The following JAK1 variants were observed in gnomAD, a reference collection of about 807,000 sequenced individuals.
JAK1 encodes the protein Janus kinase 1.
A neutral mutation model predicts 136.6 loss-of-function variants in JAK1; 16 were observed. The observed-to-expected ratio is 0.12, with a 90% CI of 0.08 to 0.18. The LOEUF (loss-of-function observed/expected upper bound fraction) is 0.18. Ranked by LOEUF, JAK1 falls within the 10% of genes least tolerant of loss-of-function variation. JAK1 has a pLI of 1.00. For missense variants in JAK1, 859 were observed against 1,450.1 expected (o/e 0.59, Z 6.62); for synonymous variants, 492 against 519.5 (o/e 0.95, Z 0.72).
chr1:65,051,184 GTTT>G (rs34684205), intron 1 of JAK1, among the ~76,000 whole-genome samples: 2 of 147,940 alleles, frequency 1.4e-5, no homozygotes, highest in Non-Finnish European at 3.0e-5. Flanking sequence ...GGTATGTCAG[GTTT>G]TTTTTTTTTT....
intron 1 of JAK1, among the ~76,000 whole-genome samples, chr1:64,940,308 C>A (rs937400981): frequency 4.3e-5 from 6 of 139,712 alleles, no homozygotes; most frequent in African/African-American, 1.5e-4. Flanking sequence ...TAGCTTATAC[C>A]AATTTCAATT....
chr1:64,834,970 C>T (rs985540594), intron 24 of JAK1, among the ~76,000 whole-genome samples: 9 of 152,204 alleles, frequency 5.9e-5, no homozygotes, highest in African/African-American at 2.2e-4. Flanking sequence ...GGCTGCCTCA[C>T]TCTCTGACTC....
chr1:64,902,765 G>C (rs976573118), intron 1 of JAK1, among the ~76,000 whole-genome samples: 1 of 152,020 alleles, frequency 6.6e-6, no homozygotes. Flanking sequence ...ACGCAGTGGT[G>C]GAAGAGACAG....
At chr1:65,055,043 T>C (rs1477711666) in intron 1 of JAK1, among the ~76,000 whole-genome samples, 1 of 152,198 alleles carries the variant, frequency 6.6e-6, no homozygotes, top group East Asian at 1.9e-4. Flanking sequence ...AAATTTTCCA[T>C]TTTTAGGTGT....
At chr1:64,892,866 C>A (rs1487405288) in intron 1 of JAK1, among the ~76,000 whole-genome samples, 1 of 152,152 alleles carries the variant, frequency 6.6e-6, no homozygotes, top group Admixed American at 6.5e-5. Context: ...TGTGGGACTT[C>A]AGGGGAATCC....
intron 2 of JAK1, among the ~76,000 whole-genome samples, chr1:65,022,750 T>A (rs1416192809): frequency 6.6e-6 from 1 of 152,230 alleles, no homozygotes; most frequent in African/African-American, 2.4e-5. Flanking sequence ...ACCAACTTCA[T>A]ACATTAGTGT....
At chr1:64,991,783 C>T (rs1033772635) in intron 2 of JAK1, 1 of 152,172 alleles carries the variant, frequency 6.6e-6, no homozygotes, top group African/African-American at 2.4e-5. Flanking sequence ...GTCTATACAT[C>T]AGCAGTGGAT....
At chr1:64,967,309 T>A (rs1285932478), upstream of JAK1, among the ~76,000 whole-genome samples, 2 of 152,186 alleles carry the variant, frequency 1.3e-5, no homozygotes, top group Non-Finnish European at 2.9e-5. Flanking sequence ...ATCAGTTCAC[T>A]TGTCTATGTT....
chr1:64,839,006 C>T lies in JAK1; in HGVS notation c.2843-417G>A, dbSNP rs565027440. On this transcript the variant is annotated intron_variant, in intron 20 of 24. Transcript: ENST00000342505. The stretch of plus-strand genomic sequence containing the variant: ...TAAAAATACAAAAAAATTAGCCGGG[C>T]GTGATGGCGGGCGCCTGTAGTCCCA... Among the ~76,000 whole-genome samples the T allele has an allele frequency of 1.4e-3, 213 of 150,968 alleles. 4 individuals carry two copies. In the South Asian group the frequency reaches 0.017, roughly 12 times the overall value.
In JAK1 at chr1:64,838,138, TAA is replaced by T. The variant is rs748896215; in HGVS notation, c.2968-36_2968-35del. On this transcript the variant is annotated intron_variant, in intron 21 of 24. Transcript: ENST00000342505. ...GAGAAGTAAAAGTCAAGCACATTGC[TAA>T]AGTCACTTTAGATTGTATTATCTAT... The T allele has an allele frequency of 2.5e-6, 4 of 1,580,422 alleles. No homozygotes were observed. In the Admixed American group the frequency reaches 7.0e-5, roughly 28 times the overall value.
intron 4 of JAK1, among the ~76,000 whole-genome samples, chr1:64,878,561 G>GTGTGTA (rs1298801037): frequency 9.2e-5 from 11 of 119,974 alleles, no homozygotes; most frequent in East Asian, 2.6e-4. Context: ...TATATAGTGT[G>GTGTGTA]TATATATATA....
At chr1:64,842,042 T>C (rs1292213762) in intron 17 of JAK1, among the ~76,000 whole-genome samples, 1 of 152,218 alleles carries the variant, frequency 6.6e-6, no homozygotes, top group Non-Finnish European at 1.5e-5. Flanking sequence ...ATGCCAAATA[T>C]AAAATTAGTC....
At chr1:64,986,844 C>T (rs373719193) in intron 2 of JAK1, among the ~76,000 whole-genome samples, 12 of 152,162 alleles carry the variant, frequency 7.9e-5, no homozygotes, top group East Asian at 7.7e-4. Context: ...TGCCCTCCAG[C>T]CTGGGTGACA....
chr1:64,958,917 A>G (rs1232267585), intron 1 of JAK1, among the ~76,000 whole-genome samples: 1 of 152,254 alleles, frequency 6.6e-6, no homozygotes, highest in Non-Finnish European at 1.5e-5. Context: ...TCTACTTTAT[A>G]TTCAGACCAG....
chr1:64,961,231 T>C (rs971464342), intron 1 of JAK1, among the ~76,000 whole-genome samples: 2 of 152,236 alleles, frequency 1.3e-5, no homozygotes, highest in Admixed American at 6.5e-5. Flanking sequence ...AAGAAAAGCA[T>C]GGATGAACTT....
chr1:64,960,227 C>G (rs894474403), intron 1 of JAK1, among the ~76,000 whole-genome samples: 21 of 152,222 alleles, frequency 1.4e-4, no homozygotes, highest in Admixed American at 1.4e-3. Flanking sequence ...GACCTTGTCT[C>G]AAAATAAAAT....
At chr1:64,932,779 G>C (rs1192916261) in intron 1 of JAK1, among the ~76,000 whole-genome samples, 1 of 151,658 alleles carries the variant, frequency 6.6e-6, no homozygotes, top group East Asian at 1.9e-4. Flanking sequence ...GAGGGCACTA[G>C]ACAGTCCCAG....
intron 1 of JAK1, chr1:65,067,562 C>G (rs565268817): frequency 6.9e-6 from 1 of 145,944 alleles, no homozygotes; most frequent in Non-Finnish European, 1.5e-5. Flanking sequence ...CGGCCCCGCG[C>G]GCCCCGCCGC....
chr1:64,909,908 T>C (rs1402359797), intron 1 of JAK1, among the ~76,000 whole-genome samples: 1 of 3,146 alleles, frequency 3.2e-4, no homozygotes, highest in East Asian at 0.25. Context: ...CAATCATTTG[T>C]CCAAGAGGTT....
Sources: gnomAD v4.1 joint callset for allele counts (sites outside exome capture counted in the v4.1 genomes callset) on GRCh38, gnomAD v4.1.1 for gene constraint, MANE v1.5 for transcripts, NCBI Gene and HGNC (gene_info 2026-07-23, HGNC 2026-07-21) for gene names.